FBLN2: variants seen among roughly 807,000 people sequenced by gnomAD.
FBLN2 encodes the protein fibulin 2, also known as fibulin-2.
Under a neutral mutation model 123.7 loss-of-function variants are expected in FBLN2, and 81 were observed. That is an observed-to-expected ratio of 0.65 (90% CI 0.55 to 0.79). The LOEUF is 0.79. Among genes scored for constraint, FBLN2 ranks in the 30% least tolerant of loss-of-function variants. The pLI, the probability that FBLN2 is intolerant of heterozygous loss-of-function variation, is 0.00. For missense variants in FBLN2, 1,603 were observed against 1,681.3 expected, an observed-to-expected ratio of 0.95 and a Z score of 0.81; for synonymous variants, 699 against 701.4, an observed-to-expected ratio of 1.00 and a Z score of 0.05.
rs544234913 is a variant in FBLN2, at chr3:13,620,986, C to T, written c.2156-789C>T. Among the ~76,000 whole-genome samples the T allele has an allele frequency of 3.9e-5, 6 of 152,360 alleles. No individual in the cohort carries two copies. The East Asian group carries it at 9.6e-4, about 24-fold the overall frequency. The stretch of plus-strand genomic sequence containing the variant: ...GTGGTGCTGGGTTCTCTGGGCCCCG[C>T]CCCCCATCTCCCAGGGCCCTGAAGA... On this transcript the variant is annotated intron_variant, in intron 8 of 17. Transcript: ENST00000404922.
At chr3:13,582,407 G>GAGGCT (rs1704362058) in intron 2 of FBLN2, among the ~76,000 whole-genome samples, 1 of 152,204 alleles carries the variant, frequency 6.6e-6, no homozygotes, top group African/African-American at 2.4e-5. Flanking sequence ...GCACCTCCTC[G>GAGGCT]AGGCTAGGCC....
At chr3:13,549,317 C>A (rs1266537382) in intron 1 of FBLN2, 109 bp downstream of exon 1, 23 of 737,648 alleles carry the variant, frequency 3.1e-5, no homozygotes, top group Non-Finnish European at 3.8e-5. Flanking sequence ...GACCCTCGGA[C>A]GCGCCTCGCG....
chr3:13,566,676 A>C (rs1157536695), intron 1 of FBLN2: 1 of 152,238 alleles, frequency 6.6e-6, no homozygotes, highest in African/African-American at 2.4e-5. Flanking sequence ...AGCTGCATGC[A>C]TTTGGGGGGG....
chr3:13,637,558 G>C lies in FBLN2; in HGVS notation c.3339-4G>C, dbSNP rs762677239. 1 of 1,597,574 alleles carries C rather than the reference G, an allele frequency of 6.3e-7. No individual in the cohort carries two copies. Among genetic ancestry groups the C allele is most frequent in the South Asian group, 1.1e-5 (1 of 88,810 alleles). The stretch of plus-strand genomic sequence containing the variant: ...GTGGGTGACCCGGCCTATCCTCCCT[G>C]CAGGAAGTGCGAGCGCACCACGTGC... On this transcript the variant is annotated splice_polypyrimidine_tract_variant and splice_region_variant and intron_variant, in intron 17 of 17. Transcript: ENST00000404922.
intron 1 of FBLN2, among the ~76,000 whole-genome samples, chr3:13,555,428 T>G (rs1354176248): frequency 1.4e-5 from 2 of 142,138 alleles, no homozygotes; most frequent in Non-Finnish European, 3.2e-5. Context: ...GTGTTCCCTG[T>G]TTTTTTTTTA....
intron 11 of FBLN2, 89 bp downstream of exon 11, chr3:13,628,058 G>A (rs1706111858): frequency 1.4e-6 from 2 of 1,479,148 alleles, no homozygotes; most frequent in Non-Finnish European, 1.8e-6. Flanking sequence ...AGACCAGGGA[G>A]GCCTGGCTTG....
At chr3:13,570,231 GC>G in intron 1 of FBLN2, 83 bp from the exon 2 acceptor site, 1 of 1,404,010 alleles carries the variant, frequency 7.1e-7, no homozygotes, top group Non-Finnish European at 9.3e-7. Flanking sequence ...CTGAGGCTGG[GC>G]CCCTGCCCGC....
Position 13,621,920 on chromosome 3 carries a change from G to A in FBLN2, c.2296+5G>A. 6.2e-7 allele frequency: 1 copy of A among 1,610,472 alleles called. No homozygotes were observed. Among genetic ancestry groups the A allele is most frequent in the Non-Finnish European group, 8.5e-7 (1 of 1,178,634 alleles). ...ATGCGCACAGGAAGTGCGTGGGTAA[G>A]CCAGGGCCCCGCCTGCCGCCCGCCG... is the stretch of plus-strand genomic sequence containing the variant. On this transcript the variant is annotated splice_donor_5th_base_variant and intron_variant, in intron 9 of 17. Coordinates refer to ENST00000404922, the MANE Select transcript of FBLN2 (RefSeq NM_001004019.2).
intron 2 of FBLN2, among the ~76,000 whole-genome samples, chr3:13,605,571 C>T (rs1266788378): frequency 6.6e-6 from 1 of 152,192 alleles, no homozygotes; most frequent in Non-Finnish European, 1.5e-5. Context: ...CTGCATGTAG[C>T]ATGGCCCCAG....
At chr3:13,580,922 T>TG (rs1395325328) in intron 2 of FBLN2, among the ~76,000 whole-genome samples, 1 of 152,174 alleles carries the variant, frequency 6.6e-6, no homozygotes, top group Non-Finnish European at 1.5e-5. Flanking sequence ...CCTGAACGTG[T>TG]GTCTGTGGTC....
intron 4 of FBLN2, among the ~76,000 whole-genome samples, chr3:13,611,093 G>A (rs1241698050): frequency 6.6e-6 from 1 of 151,858 alleles, no homozygotes; most frequent in Non-Finnish European, 1.5e-5. Context: ...GTTTTTAGTA[G>A]AGCATACGCC....
intron 1 of FBLN2, among the ~76,000 whole-genome samples, chr3:13,559,939 G>A (rs1304496454): frequency 6.6e-6 from 1 of 152,204 alleles, no homozygotes; most frequent in Middle Eastern, 3.2e-3. Context: ...GGTGGAGGGT[G>A]TGTGGAGCGC....
chr3:13,578,792 C>T (rs1004856606), intron 2 of FBLN2, among the ~76,000 whole-genome samples: 24 of 152,026 alleles, frequency 1.6e-4, no homozygotes, highest in African/African-American at 5.1e-4. Context: ...TGGTGGCTCA[C>T]GCCTGTAATC....
rs1703916123 is a variant in FBLN2, at chr3:13,570,839, T to C, written c.484T>C (p.Cys162Arg). 1 of 1,608,378 alleles carries C rather than the reference T, an allele frequency of 6.2e-7. No homozygotes were observed. Among genetic ancestry groups the C allele is most frequent in the Non-Finnish European group, 8.5e-7 (1 of 1,177,998 alleles). ...VHLPPCRACH[C>R]PDAGGELICY... ...CCTGCCGCCCTGCCGGGCCTGCCAC[T>C]GCCCTGACGCCGGTGGAGAGCTCAT... The change falls in exon 2 of 18, where the codon TGC becomes CGC. Residue 162 changes from cysteine (C) to arginine (R), a missense_variant. Transcript: ENST00000404922.
intron 10 of FBLN2, 45 bp downstream of exon 10, chr3:13,626,624 C>G (rs1706049420): frequency 2.0e-6 from 3 of 1,498,878 alleles, no homozygotes; most frequent in East Asian, 5.0e-5. Context: ...CGCCCCATGG[C>G]CAGTTTTGCC....
At chr3:13,634,655 C>T (rs528557660) in intron 16 of FBLN2, among the ~76,000 whole-genome samples, 8 of 152,372 alleles carry the variant, frequency 5.3e-5, no homozygotes, top group Non-Finnish European at 8.8e-5. Flanking sequence ...GGCCTCTTGC[C>T]GTGTTTTCTC....
At chr3:13,568,507 G>A (rs1201823029) in intron 1 of FBLN2, among the ~76,000 whole-genome samples, 1 of 152,158 alleles carries the variant, frequency 6.6e-6, no homozygotes, top group South Asian at 2.1e-4. Context: ...TTACAGGCAC[G>A]CCCAGAGGCC....
intron 1 of FBLN2, among the ~76,000 whole-genome samples, chr3:13,557,436 A>G (rs1191630621): frequency 6.6e-6 from 1 of 152,268 alleles, no homozygotes; most frequent in East Asian, 1.9e-4. Context: ...ATGGAACTAA[A>G]AAAATACAGG....
rs1293573539 is a variant in FBLN2 at position 13,614,143 on chromosome 3, C to A, written c.1708C>A (p.Pro570Thr). ...IVPEVRRPPEPAAAPRRVSEA... is the reference protein window; with the variant it reads ...IVPEVRRPPETAAAPRRVSEA... ...ACCTGAGGTTCGCCGACCTCCAGAG[C>A]CCGCAGCTGCACCACGGAGAGGTGA... The change falls in exon 5 of 18, where the codon CCC (proline) becomes ACC (threonine). Residue 570 changes from proline to threonine, a missense_variant. Physicochemically the swap from Pro to Thr is conservative, Grantham distance 38. Coordinates refer to ENST00000404922, the MANE Select transcript of FBLN2 (RefSeq NM_001004019.2). 2 of 1,612,318 alleles carry A rather than the reference C, an allele frequency of 1.2e-6. No individual in the cohort carries two copies. Among genetic ancestry groups the A allele is most frequent in the East Asian group, 4.5e-5 (2 of 44,878 alleles).
Sources: allele counts gnomAD v4.1 joint callset (sites outside exome capture counted in the v4.1 genomes callset), GRCh38; gene constraint gnomAD v4.1.1; transcripts MANE v1.5; gene names NCBI Gene and HGNC (gene_info 2026-07-23, HGNC 2026-07-21).